MCC: variants seen among roughly 807,000 people sequenced by gnomAD.
MCC encodes the protein MCC regulator of Wnt signaling pathway.
A neutral mutation model predicts 116.2 loss-of-function variants in MCC; 90 were observed. The ratio of observed to expected loss-of-function variants is 0.77; its 90% confidence interval spans 0.65 to 0.92. The LOEUF (loss-of-function observed/expected upper bound fraction) is 0.92, where lower values mean the gene tolerates loss of function less well. MCC is among the 40% of genes least tolerant of loss of function. MCC has a pLI of 0.00. For missense variants in MCC, 1,516 were observed against 1,312.2 expected, an observed-to-expected ratio of 1.16 and a Z score of -2.40; for synonymous variants, 578 against 510.5, an observed-to-expected ratio of 1.13 and a Z score of -1.78.
chr5:113,258,342 A>AG (rs1765096706), intron 3 of MCC, among the ~76,000 whole-genome samples: 1 of 152,254 alleles, frequency 6.6e-6, no homozygotes, highest in Non-Finnish European at 1.5e-5. Context: ...CACTTATAAC[A>AG]GGGGGTCCCC....
At chr5:113,299,061 G>A (rs973883911) in intron 3 of MCC, among the ~76,000 whole-genome samples, 1 of 151,896 alleles carries the variant, frequency 6.6e-6, no homozygotes, top group Non-Finnish European at 1.5e-5. Context: ...GGCCAACACA[G>A]GCGGATCACG....
Position 113,392,623 on chromosome 5 carries a change from T to A in MCC, c.171-7411A>T, listed in dbSNP as rs531688563. Reference sequence around the variant, plus strand: ...ATGGAGGAGACATGAACAATATCTGTAACAGCAAAGAATTGAGAAGAGGTT... The same window carrying A: ...ATGGAGGAGACATGAACAATATCTGAAACAGCAAAGAATTGAGAAGAGGTT... On this transcript the variant is annotated intron_variant, in intron 1 of 18. Transcript: ENST00000408903. 7.4e-4 allele frequency among the ~76,000 whole-genome samples: 112 copies of A among 152,246 alleles called. 4 individuals carry two copies. Among genetic ancestry groups the A allele is most frequent in the African/African-American group, 2.6e-3 (106 of 41,546 alleles).
intron 8 of MCC, among the ~76,000 whole-genome samples, chr5:113,086,905 A>G (rs1463124347): frequency 2.0e-5 from 3 of 152,256 alleles, no homozygotes; most frequent in Non-Finnish European, 4.4e-5. Context: ...CTGATTTAGC[A>G]GGGTCTGGAT....
intron 16 of MCC, among the ~76,000 whole-genome samples, chr5:113,045,918 T>TGCACCC (rs1752040105): frequency 6.6e-6 from 1 of 152,176 alleles, no homozygotes; most frequent in African/African-American, 2.4e-5. Context: ...TGGCTGCAGC[T>TGCACCC]GCACCCAAAT....
intron 3 of MCC, among the ~76,000 whole-genome samples, chr5:113,211,941 A>T (rs1763149917): frequency 1.3e-5 from 2 of 152,242 alleles, no homozygotes; most frequent in South Asian, 4.1e-4. Context: ...TTATTAAATC[A>T]GAACCTAAAT....
At chr5:113,244,780 CA>C (rs1764507689) in intron 3 of MCC, among the ~76,000 whole-genome samples, 1 of 152,162 alleles carries the variant, frequency 6.6e-6, no homozygotes, top group African/African-American at 2.4e-5. Context: ...ATTAAGAAAA[CA>C]ATGTTTCACT....
intron 4 of MCC, among the ~76,000 whole-genome samples, chr5:113,149,724 A>T (rs980444180): frequency 2.0e-5 from 3 of 152,162 alleles, no homozygotes; most frequent in Non-Finnish European, 2.9e-5. Context: ...GAATTCCCAC[A>T]TAAAAATAAA....
At chr5:113,246,630 T>C (rs1764588116) in intron 3 of MCC, among the ~76,000 whole-genome samples, 1 of 152,234 alleles carries the variant, frequency 6.6e-6, no homozygotes. Flanking sequence ...CAGGCGGAGA[T>C]ACTGTCTTTT....
chr5:113,218,120 G>GC (rs1216126643), intron 3 of MCC, among the ~76,000 whole-genome samples: 1 of 144,650 alleles, frequency 6.9e-6, no homozygotes, highest in African/African-American at 2.6e-5. Flanking sequence ...TGGGAAACTG[G>GC]GGGGAGTATG....
intron 3 of MCC, among the ~76,000 whole-genome samples, chr5:113,173,182 C>T (rs754679993): frequency 2.0e-5 from 3 of 152,040 alleles, no homozygotes; most frequent in African/African-American, 4.8e-5. Flanking sequence ...CTTAACAGAT[C>T]CTCTCTCTGA....
At chr5:113,108,049 A>T (rs539279025) in intron 6 of MCC, among the ~76,000 whole-genome samples, 19 of 152,294 alleles carry the variant, frequency 1.2e-4, no homozygotes, top group African/African-American at 4.6e-4. Context: ...TACTGTAAGG[A>T]AAGTAACCAT....
intron 3 of MCC, among the ~76,000 whole-genome samples, chr5:113,175,715 C>T (rs575520831): frequency 4.1e-4 from 63 of 152,172 alleles, no homozygotes; most frequent in African/African-American, 1.5e-3. Flanking sequence ...GATTAAATAG[C>T]AACCACATAA....
chr5:113,027,095 A>AAG lies in MCC; in HGVS notation c.*205_*206dup. 1 of 568,606 alleles carries AAG rather than the reference A, an allele frequency of 1.8e-6. No individual in the cohort carries two copies. Among genetic ancestry groups the AAG allele is most frequent in the Admixed American group, 3.2e-5 (1 of 31,146 alleles). The allele number at this position is 568,606 out of a possible 1,614,324, so 35.2% of individuals were successfully genotyped here. The stretch of plus-strand genomic sequence containing the variant: ...ACACGCTGTTGTGGGCCCAGGAGGG[A>AAG]AGAGCGGGCACCTCTGGATACAGTC... On this transcript the variant is annotated 3_prime_UTR_variant, in exon 19 of 19. Coordinates refer to ENST00000408903, the MANE Select transcript of MCC (RefSeq NM_001085377.2).
At chr5:113,421,321 G>A (rs1244824773) in intron 1 of MCC, among the ~76,000 whole-genome samples, 8 of 151,986 alleles carry the variant, frequency 5.3e-5, no homozygotes, top group East Asian at 1.9e-4. Context: ...CACTGCACCC[G>A]GCCTCTGCAA....
chr5:113,233,106 T>C (rs1046107264), intron 3 of MCC, among the ~76,000 whole-genome samples: 6 of 152,148 alleles, frequency 3.9e-5, no homozygotes, highest in African/African-American at 4.8e-5. Context: ...CTAATATTAG[T>C]GAAGAGAGGA....
chr5:113,253,019 A>G (rs1199560215), intron 3 of MCC, among the ~76,000 whole-genome samples: 2 of 152,170 alleles, frequency 1.3e-5, no homozygotes, highest in Non-Finnish European at 2.9e-5. Context: ...GTGAGAATTA[A>G]TTTCTCAAAA....
rs745746964 is a variant in MCC, at chr5:113,166,580, C to T, written c.628-15158G>A. On this transcript the variant is annotated intron_variant, in intron 3 of 18. Transcript: ENST00000408903. ...GATGGATAAACAGGACTATAAGATC[C>T]GAAGACTCTGAGTCTTCGTAATAGA... is the stretch of plus-strand genomic sequence containing the variant. 4.0e-5 allele frequency among the ~76,000 whole-genome samples: 6 copies of T among 151,766 alleles called. No homozygotes were observed. In the East Asian group the frequency reaches 1.2e-3, roughly 29 times the overall value.
Position 113,104,261 on chromosome 5 carries a change from G to A in MCC, c.1122C>T (p.Ser374=), listed in dbSNP as rs142794653. 753 of 1,614,054 alleles carry A rather than the reference G, an allele frequency of 4.7e-4. 5 individuals carry two copies. The highest frequency in any genetic ancestry group is 2.3e-3 in the South Asian group (210 of 91,076). Reference sequence around the variant, plus strand: ...CAATGTGCTTGTCCACCTCGGCCACGGAGAGGCTGCAGCTGCTCTTCTTCC... The same window carrying A: ...CAATGTGCTTGTCCACCTCGGCCACAGAGAGGCTGCAGCTGCTCTTCTTCC... ...CGRKKSSCSL[S]VAEVDKHIEQ... Residue 374 remains serine (S), a synonymous_variant, in exon 7 of 19, where the codon TCC becomes TCT. Coordinates refer to ENST00000408903, the MANE Select transcript of MCC (RefSeq NM_001085377.2).
chr5:113,038,478 T>C (rs965065311), intron 17 of MCC, among the ~76,000 whole-genome samples: 6 of 151,978 alleles, frequency 3.9e-5, no homozygotes, highest in African/African-American at 1.5e-4. Context: ...AGAAGGAAAT[T>C]CATGGCGCTA....
Sources: gnomAD v4.1 joint callset for allele counts (sites outside exome capture counted in the v4.1 genomes callset) on GRCh38, gnomAD v4.1.1 for gene constraint, MANE v1.5 for transcripts, NCBI Gene and HGNC (gene_info 2026-07-23, HGNC 2026-07-21) for gene names.